Variants in NOS1 observed in about 807,000 individuals in gnomAD.
The protein encoded by NOS1 is NOS type I.
Under a neutral mutation model 164.5 loss-of-function variants are expected in NOS1, and 51 were observed. The ratio of observed to expected loss-of-function variants is 0.31; its 90% CI spans 0.25 to 0.39. The LOEUF (loss-of-function observed/expected upper bound fraction) is 0.39. NOS1 is among the 10% of genes least tolerant of loss of function. NOS1 has a pLI of 1.00. For synonymous variants in NOS1, 719 were observed against 745.8 expected, an observed-to-expected ratio of 0.96 and a Z score of 0.59; for missense variants, 1,362 against 1,885.6, an observed-to-expected ratio of 0.72 and a Z score of 5.14.
Position 117,308,432 on chromosome 12 carries a change from C to G in NOS1, c.852+3034G>C, listed in dbSNP as rs142049640. 3.3e-5 allele frequency among the ~76,000 whole-genome samples: 5 copies of G among 152,164 alleles called. No individual in the cohort carries two copies. In the East Asian group the frequency reaches 9.7e-4, roughly 29 times the overall value. On this transcript the variant is annotated intron_variant, in intron 3 of 28. Coordinates refer to ENST00000317775, the MANE Select transcript of NOS1 (RefSeq NM_000620.5). ...GCTGCAGTGGGAGGATCTCTTAAGTCTAGGAGATTGAGGTTGCAGTGAGTA... is the reference window on the plus strand; with the variant it reads ...GCTGCAGTGGGAGGATCTCTTAAGTGTAGGAGATTGAGGTTGCAGTGAGTA...
intron 2 of NOS1, among the ~76,000 whole-genome samples, chr12:117,325,285 G>C (rs1875188368): frequency 6.6e-6 from 1 of 152,314 alleles, no homozygotes; most frequent in Non-Finnish European, 1.5e-5. Context: ...ATCAAGCCAG[G>C]ACTGCCCGTC....
At chr12:117,285,202 T>C (rs754042182) in intron 7 of NOS1, 39 bp downstream of exon 7, 32 of 1,459,162 alleles carry the variant, frequency 2.2e-5, no homozygotes, top group Non-Finnish European at 3.1e-5. Context: ...GTGGGGACTT[T>C]TGACCTCCTG....
At chr12:117,304,402 C>T (rs1593007501) in intron 3 of NOS1, among the ~76,000 whole-genome samples, 1 of 152,154 alleles carries the variant, frequency 6.6e-6, no homozygotes, top group Non-Finnish European at 1.5e-5. Context: ...CTGGTATCTA[C>T]TTGCTGAGGT....
At chr12:117,299,031 G>C (rs964254255) in intron 3 of NOS1, among the ~76,000 whole-genome samples, 1 of 152,230 alleles carries the variant, frequency 6.6e-6, no homozygotes, top group Non-Finnish European at 1.5e-5. Context: ...GCTGAGCTGG[G>C]CAGAGGGCCA....
At chr12:117,349,275 T>C (rs553276225) in intron 1 of NOS1, among the ~76,000 whole-genome samples, 2 of 152,252 alleles carry the variant, frequency 1.3e-5, no homozygotes, top group Non-Finnish European at 2.9e-5. Context: ...GGTTCATCCA[T>C]GTTACAGCAT....
At chr12:117,271,423 G>A (rs1002085269) in intron 10 of NOS1, among the ~76,000 whole-genome samples, 3 of 152,200 alleles carry the variant, frequency 2.0e-5, no homozygotes, top group Non-Finnish European at 2.9e-5. Flanking sequence ...GATTATAGGC[G>A]CAAGCCATCA....
chr12:117,288,876 G>T (rs940743461), intron 4 of NOS1, among the ~76,000 whole-genome samples: 2 of 152,164 alleles, frequency 1.3e-5, no homozygotes, highest in African/African-American at 2.4e-5. Flanking sequence ...AGTTATCTCA[G>T]CCAGGACCAT....
rs905286599 is a variant in NOS1, at chr12:117,234,965, C to T, written c.3042-207G>A. 6.6e-6 allele frequency among the ~76,000 whole-genome samples: 1 copy of T among 151,870 alleles called. No individual in the cohort carries two copies. Among genetic ancestry groups the T allele is most frequent in the Non-Finnish European group, 1.5e-5 (1 of 67,994 alleles). On this transcript the variant is annotated intron_variant, in intron 20 of 28. Coordinates refer to ENST00000317775, the MANE Select transcript of NOS1 (RefSeq NM_000620.5). The surrounding 1 kb of genome is among the most constrained non-coding windows in gnomAD (Gnocchi z 4.3). ...ATAGGGTTTTGCTCTGTCACCCTGG[C>T]TGGAGTGCAGTGGTGCGATCACGGC...
intron 22 of NOS1, among the ~76,000 whole-genome samples, chr12:117,229,747 C>T (rs1024918312): frequency 3.3e-5 from 5 of 152,178 alleles, no homozygotes; most frequent in African/African-American, 1.2e-4. Flanking sequence ...CACCACCACA[C>T]CAAGCTAATT....
At chr12:117,322,381 C>T (rs1875006886) in intron 2 of NOS1, among the ~76,000 whole-genome samples, 1 of 138,618 alleles carries the variant, frequency 7.2e-6, no homozygotes, top group Non-Finnish European at 1.6e-5. Context: ...TCCCCTCCCT[C>T]GTTCGTTCTC....
chr12:117,266,223 A>G (rs1359707111), intron 11 of NOS1, among the ~76,000 whole-genome samples: 2 of 152,038 alleles, frequency 1.3e-5, no homozygotes, highest in Non-Finnish European at 2.9e-5. Context: ...AGCAGTATAC[A>G]CTGCACACAA....
chr12:117,255,811 G>C (rs1289981007), intron 16 of NOS1: 2 of 476,300 alleles, frequency 4.2e-6, no homozygotes, highest in Non-Finnish European at 7.0e-6. Flanking sequence ...TAGTGAGTTA[G>C]TGACACAGCT....
chr12:117,231,280 G>A (rs9658494), intron 22 of NOS1, among the ~76,000 whole-genome samples: 2,915 of 151,668 alleles, frequency 0.019, 92 homozygotes, highest in African/African-American at 0.067. Flanking sequence ...ATTGCGCCAC[G>A]GCACTCCAGC....
chr12:117,307,994 A>AAATAATAATAATAATAATAATAAT lies in NOS1; in HGVS notation c.852+3448_852+3471dup, dbSNP rs71444617. Among the ~76,000 whole-genome samples the AAATAATAATAATAATAATAATAAT allele has an allele frequency of 2.9e-4, 44 of 149,842 alleles. No homozygotes were observed. In the South Asian group the frequency reaches 5.0e-3, roughly 17 times the overall value. On this transcript the variant is annotated intron_variant, in intron 3 of 28. Transcript: ENST00000317775. The stretch of plus-strand genomic sequence containing the variant: ...AGCACCAGAGACTCTGTCTCACAAT[A>AAATAATAATAATAATAATAATAAT]AATAATAATAATAATAATAATAATA...
intron 1 of NOS1, among the ~76,000 whole-genome samples, chr12:117,339,315 T>C (rs1875985836): frequency 6.6e-6 from 1 of 152,164 alleles, no homozygotes; most frequent in South Asian, 2.1e-4. Context: ...GATGCCCATA[T>C]CTCAGAGGTA....
intron 1 of NOS1, among the ~76,000 whole-genome samples, chr12:117,353,231 A>C (rs1323344658): frequency 1.3e-5 from 2 of 152,000 alleles, no homozygotes; most frequent in South Asian, 4.2e-4. Flanking sequence ...TCATCTATCT[A>C]TCTACCCATC....
At chr12:117,337,106 C>A (rs113471059) in intron 1 of NOS1, among the ~76,000 whole-genome samples, 7,832 of 64,266 alleles carry the variant, frequency 0.12, 750 homozygotes, top group Middle Eastern at 0.2. Context: ...GCTTTTTACT[C>A]TTTTTTTTTT....
chr12:117,352,184 C>CATAT (rs1449873135), intron 1 of NOS1, among the ~76,000 whole-genome samples: 1 of 149,230 alleles, frequency 6.7e-6, no homozygotes, highest in African/African-American at 2.5e-5. Flanking sequence ...GAAATACATA[C>CATAT]ATACATACAT....
chr12:117,214,618 C>A lies in NOS1; in HGVS notation c.*691G>T. 8.1e-6 allele frequency: 8 copies of A among 985,408 alleles called. No individual in the cohort carries two copies. Among genetic ancestry groups the A allele is most frequent in the Non-Finnish European group, 9.6e-6 (8 of 829,946 alleles). 61.0% of individuals were successfully genotyped at this position (985,408 alleles called of 1,614,324 possible). On this transcript the variant is annotated 3_prime_UTR_variant, in exon 29 of 29. Coordinates refer to ENST00000317775, the MANE Select transcript of NOS1 (RefSeq NM_000620.5). The stretch of plus-strand genomic sequence containing the variant: ...GACAGCCCCTTTAATCAATTTCCCA[C>A]TCCTCTCCCCATGCCCTGAACCCTT...
Sources: gnomAD v4.1 joint callset for allele counts (sites outside exome capture counted in the v4.1 genomes callset) on GRCh38, gnomAD v4.1.1 for gene constraint, Gnocchi (gnomAD v3.1) non-coding constraint, MANE v1.5 for transcripts, NCBI Gene and HGNC (gene_info 2026-07-23, HGNC 2026-07-21) for gene names.